The following HYCC2 variants were observed in gnomAD, a reference collection of about 807,000 sequenced individuals.
HYCC2 encodes the protein hyccin 2.
the HYCC2 span, among the ~76,000 whole-genome samples, chr2:201,038,165 G>A: frequency 2.6e-5 from 4 of 152,198 alleles, no homozygotes; most frequent in Non-Finnish European, 2.9e-5. Flanking sequence ...CTGGCCATCA[G>A]AGTAATGCAA....
the HYCC2 span, among the ~76,000 whole-genome samples, chr2:201,027,687 C>T: frequency 6.6e-6 from 1 of 152,122 alleles, no homozygotes; most frequent in African/African-American, 2.4e-5. Context: ...CGTAACCCAT[C>T]ACATAAAGAG....
the HYCC2 span, chr2:200,997,062 A>G: frequency 1.1e-4 from 18 of 157,032 alleles, no homozygotes; most frequent in East Asian, 3.3e-3. Context: ...CCAGAACTTC[A>G]AGACAAACCT....
the HYCC2 span, among the ~76,000 whole-genome samples, chr2:201,001,742 G>A: frequency 6.6e-6 from 1 of 151,882 alleles, no homozygotes; most frequent in Non-Finnish European, 1.5e-5. Context: ...GCACAATCTC[G>A]GCTCACTGCA....
the HYCC2 span, among the ~76,000 whole-genome samples, chr2:201,061,072 C>CA: frequency 8.1e-3 from 1,082 of 133,810 alleles, 18 homozygotes; most frequent in African/African-American, 0.025. Flanking sequence ...AATAGTTTAT[C>CA]AAAAAAAAAA....
the HYCC2 span, among the ~76,000 whole-genome samples, chr2:200,983,400 C>G: frequency 1.3e-5 from 2 of 151,950 alleles, no homozygotes; most frequent in Admixed American, 1.3e-4. Flanking sequence ...TAACATAGCA[C>G]CTGGAAAAAT....
the HYCC2 span, chr2:201,063,291 T>G: frequency 4.5e-6 from 7 of 1,542,256 alleles, no homozygotes; most frequent in Non-Finnish European, 5.3e-6. Context: ...GTGAAGGAGG[T>G]GGAGGCAGCT....
chr2:201,020,970 T>C, the HYCC2 span, among the ~76,000 whole-genome samples: 2 of 152,130 alleles, frequency 1.3e-5, no homozygotes, highest in African/African-American at 4.8e-5. Flanking sequence ...GGTTTCATCA[T>C]GTTGGCCAGG....
the HYCC2 span, among the ~76,000 whole-genome samples, chr2:200,989,496 A>G: frequency 9.2e-4 from 140 of 152,330 alleles, no homozygotes; most frequent in Non-Finnish European, 1.6e-3. Flanking sequence ...AAGTATTTTA[A>G]AAATGATATA....
chr2:201,039,797 G>T, the HYCC2 span, among the ~76,000 whole-genome samples: 1 of 152,108 alleles, frequency 6.6e-6, no homozygotes, highest in Non-Finnish European at 1.5e-5. Context: ...CAATTTACTT[G>T]GCTGGTCGCT....
At chr2:201,024,213 G>A in the HYCC2 span, among the ~76,000 whole-genome samples, 2 of 152,248 alleles carry the variant, frequency 1.3e-5, no homozygotes, top group African/African-American at 2.4e-5. Context: ...AGTTCTGGCT[G>A]GGCGTGGTGG....
chr2:200,991,568 CAAA>C, the HYCC2 span, among the ~76,000 whole-genome samples: 2 of 119,490 alleles, frequency 1.7e-5, no homozygotes. Context: ...GACTCCGTCT[CAAA>C]AAAAAAAAAA....
the HYCC2 span, among the ~76,000 whole-genome samples, chr2:200,985,613 A>AT: frequency 6.6e-6 from 1 of 152,164 alleles, no homozygotes. Context: ...GTGAGCCTTG[A>AT]TTGTGCCACT....
At chr2:201,067,209 A>G in the HYCC2 span, 2 of 215,264 alleles carry the variant, frequency 9.3e-6, no homozygotes, top group African/African-American at 2.3e-5. Flanking sequence ...TCGGCTGGCT[A>G]ATTCTAAGTA....
At chr2:200,981,300 A>T in the HYCC2 span, 1 of 1,613,820 alleles carries the variant, frequency 6.2e-7, no homozygotes, top group East Asian at 2.2e-5. This position sits in a 1 kb window ranked among gnomAD's most constrained non-coding sequence, Gnocchi z 4.5. Flanking sequence ...GCATATTGAA[A>T]CTTGGGGATC....
the HYCC2 span, among the ~76,000 whole-genome samples, chr2:201,014,546 T>C: frequency 3.3e-5 from 5 of 152,212 alleles, no homozygotes; most frequent in Admixed American, 2.0e-4. Flanking sequence ...GCAACTGAAG[T>C]CAAGATATTA....
chr2:200,990,855 C>A, the HYCC2 span, among the ~76,000 whole-genome samples: 7 of 151,924 alleles, frequency 4.6e-5, no homozygotes, highest in Admixed American at 3.9e-4. Context: ...CAGGTGTGAG[C>A]CACAGCCCCT....
At chr2:201,017,071 C>A in the HYCC2 span, 2 of 1,613,964 alleles carry the variant, frequency 1.2e-6, no homozygotes, top group Admixed American at 1.7e-5. Context: ...CGTAAATAAA[C>A]CCACATCAAT....
chr2:200,998,623 A>C, the HYCC2 span, among the ~76,000 whole-genome samples: 1 of 152,234 alleles, frequency 6.6e-6, no homozygotes, highest in African/African-American at 2.4e-5. Flanking sequence ...TGAATGAATA[A>C]ATAAATGCTT....
At chr2:201,007,839 TA>T in the HYCC2 span, among the ~76,000 whole-genome samples, 2 of 151,790 alleles carry the variant, frequency 1.3e-5, no homozygotes, top group Non-Finnish European at 2.9e-5. Flanking sequence ...GATGCCTCAA[TA>T]AAAAAAACTC....
Sources: gnomAD v4.1 joint callset for allele counts (sites outside exome capture counted in the v4.1 genomes callset) on GRCh38, gnomAD v4.1.1 for gene constraint, Gnocchi (gnomAD v3.1) non-coding constraint, MANE v1.5 for transcripts, NCBI Gene and HGNC (gene_info 2026-07-23, HGNC 2026-07-21) for gene names.